Variants in IQSEC3 observed in about 807,000 individuals in gnomAD.
IQSEC3 encodes IQ motif and SEC7 domain-containing protein 3.
In IQSEC3, 50 loss-of-function variants were observed where a neutral mutation model predicts 105.4. The observed-to-expected ratio is 0.47, with a 90% CI of 0.38 to 0.60. IQSEC3 has a LOEUF of 0.60. Among genes scored for constraint, IQSEC3 ranks in the 20% least tolerant of loss-of-function variants. The pLI, the probability that IQSEC3 is intolerant of heterozygous loss-of-function variation, is 0.00. For missense variants in IQSEC3, 1,415 were observed against 1,630.0 expected (o/e 0.87, Z 2.27); for synonymous variants, 708 against 746.0 (o/e 0.95, Z 0.83).
chr12:73,416 CAGT>C (rs1863403283), intron 1 of IQSEC3, among the ~76,000 whole-genome samples: 1 of 152,258 alleles, frequency 6.6e-6, no homozygotes, highest in South Asian at 2.1e-4. Flanking sequence ...CAATACATTG[CAGT>C]ATTTCTACAG....
In IQSEC3 at chr12:139,227, C is replaced by T. The variant is rs1555088299; in HGVS notation, c.1864C>T (p.Leu622=). Residue 622 remains leucine (L), a synonymous_variant, in exon 4 of 14, where the codon CTG becomes TTG. Coordinates refer to ENST00000538872, the MANE Select transcript of IQSEC3 (RefSeq NM_001170738.2). ...EASASASKDA[L]QAMILSLPRY... is the part of the protein sequence containing the mutation. ...GTCGGCCTCCGCCTCCAAGGACGCC[C>T]TGCAGGCCATGATCCTGAGCCTGCC... The T allele has an allele frequency of 1.9e-6, 3 of 1,605,898 alleles. No homozygotes were observed. The highest frequency in any genetic ancestry group is 8.5e-7 in the Non-Finnish European group (1 of 1,177,408).
chr12:70,205 T>G (rs1425251688), intron 1 of IQSEC3, among the ~76,000 whole-genome samples: 1 of 152,250 alleles, frequency 6.6e-6, no homozygotes, highest in Non-Finnish European at 1.5e-5. Context: ...CTCACACAGT[T>G]TGACTTTTAT....
chr12:138,159 C>A lies in IQSEC3; in HGVS notation c.904-108C>A. Reference sequence around the variant, plus strand: ...CCAGGAGCGCCCCCCCGCCCCCGTCCATTCCTGGGCCCCACCCGAGTGTGG... The same window carrying A: ...CCAGGAGCGCCCCCCCGCCCCCGTCAATTCCTGGGCCCCACCCGAGTGTGG... On this transcript the variant is annotated intron_variant, in intron 3 of 13. Coordinates refer to ENST00000538872, the MANE Select transcript of IQSEC3 (RefSeq NM_001170738.2). The surrounding 1 kb of genome is among the most constrained non-coding windows in gnomAD (Gnocchi z 7.1). 2 of 1,040,388 alleles carry A rather than the reference C, an allele frequency of 1.9e-6. No individual in the cohort carries two copies. Among genetic ancestry groups the A allele is most frequent in the Non-Finnish European group, 2.8e-6 (2 of 713,472 alleles). 64.4% of individuals were successfully genotyped at this position (1,040,388 alleles called of 1,614,324 possible). A position where few individuals can be genotyped will look rare whatever the true frequency, so the allele number is the denominator to read the frequency against.
At chr12:105,770 C>G (rs1364276363) in intron 2 of IQSEC3, among the ~76,000 whole-genome samples, 2 of 152,220 alleles carry the variant, frequency 1.3e-5, no homozygotes, top group Non-Finnish European at 2.9e-5. Flanking sequence ...CCAGAGGGCT[C>G]TCCTCAGCAG....
intron 2 of IQSEC3, among the ~76,000 whole-genome samples, chr12:103,501 AGGTGGGGGCTCAGGAGGGGAGGTG>A (rs1555076826): frequency 0.014 from 13 of 950 alleles, no homozygotes; most frequent in Non-Finnish European, 0.019. Flanking sequence ...CTCGGGGGGT[AGGTGGGGGCTCAGGAGGGGAGGTG>A]GGACTCAGGA....
chr12:149,065 A>T (rs1360329866), intron 5 of IQSEC3: 1 of 152,246 alleles, frequency 6.6e-6, no homozygotes, highest in Non-Finnish European at 1.5e-5. Flanking sequence ...AAGCAATTTT[A>T]TGCAAGATTG....
chr12:171,609 T>G, intron 13 of IQSEC3: 1 of 537,288 alleles, frequency 1.9e-6, no homozygotes, highest in South Asian at 2.4e-5. Flanking sequence ...GAATTACCCC[T>G]TAGGCCCCAA....
At chr12:74,034 C>T (rs1315772932) in intron 1 of IQSEC3, among the ~76,000 whole-genome samples, 1 of 152,224 alleles carries the variant, frequency 6.6e-6, no homozygotes, top group Non-Finnish European at 1.5e-5. Context: ...TCACCCGATG[C>T]CCCATGGTGA....
In IQSEC3 at chr12:168,702, C is replaced by T. The variant is rs115919253; in HGVS notation, c.2972-311C>T. Among the ~76,000 whole-genome samples, 880 of 152,240 alleles carry T rather than the reference C, an allele frequency of 5.8e-3. 15 individuals carry two copies. The highest frequency in any genetic ancestry group is 0.024 in the Middle Eastern group (7 of 294). Reference sequence around the variant, plus strand: ...AGGTTGGGTAACTTGCCTAAAACCACACAGCCAGGGAGTGTCAGGACCAGG... The same window carrying T: ...AGGTTGGGTAACTTGCCTAAAACCATACAGCCAGGGAGTGTCAGGACCAGG... On this transcript the variant is annotated intron_variant, in intron 11 of 13. Coordinates refer to ENST00000538872, the MANE Select transcript of IQSEC3 (RefSeq NM_001170738.2).
intron 1 of IQSEC3, among the ~76,000 whole-genome samples, chr12:76,416 G>A (rs1424061228): frequency 1.3e-5 from 2 of 152,244 alleles, no homozygotes; most frequent in Non-Finnish European, 1.5e-5. Flanking sequence ...GACTTGGGCT[G>A]GGGGAGTTGG....
intron 2 of IQSEC3, among the ~76,000 whole-genome samples, chr12:120,489 C>T (rs12308985): frequency 0.26 from 39,950 of 151,858 alleles, 5,902 homozygotes; most frequent in Non-Finnish European, 0.34. Context: ...GTTGGCCTTG[C>T]GGAAATCAGC....
At chr12:88,678 C>T (rs1358030753) in intron 1 of IQSEC3, among the ~76,000 whole-genome samples, 1 of 152,148 alleles carries the variant, frequency 6.6e-6, no homozygotes, top group Non-Finnish European at 1.5e-5. Flanking sequence ...GCTGTAACTG[C>T]TTGCCTTATT....
At chr12:81,619 A>G (rs1863748227) in intron 1 of IQSEC3, among the ~76,000 whole-genome samples, 1 of 152,052 alleles carries the variant, frequency 6.6e-6, no homozygotes, top group Non-Finnish European at 1.5e-5. Flanking sequence ...GGGGATGAGG[A>G]GGTTTGAGCA....
intron 5 of IQSEC3, chr12:144,522 A>G (rs1456306087): frequency 1.3e-5 from 2 of 152,232 alleles, no homozygotes; most frequent in Non-Finnish European, 2.9e-5. Context: ...GGAAGAGCCG[A>G]TGAGAAAGCC....
rs185446418 is a variant in IQSEC3, at chr12:165,638, T to C, written c.2810-91T>C. ...CTGGACAGCAGAGTGGGTGGAGGCATGAGACCCCGTGCCCTCCTCATGTCT... is the reference window on the plus strand; with the variant it reads ...CTGGACAGCAGAGTGGGTGGAGGCACGAGACCCCGTGCCCTCCTCATGTCT... On this transcript the variant is annotated intron_variant, in intron 10 of 13. Transcript: ENST00000538872. 107 of 1,575,086 alleles carry C rather than the reference T, an allele frequency of 6.8e-5. 1 individual carries two copies. Among genetic ancestry groups the C allele is most frequent in the Middle Eastern group, 5.1e-4 (3 of 5,850 alleles).
chr12:165,346 G>C (rs1867115033), intron 9 of IQSEC3, 88 bp from the exon 10 acceptor site: 3 of 951,498 alleles, frequency 3.2e-6, no homozygotes, highest in Non-Finnish European at 5.1e-6. Context: ...GTGGGTTTGT[G>C]TGATCGTGCA....
intron 3 of IQSEC3, among the ~76,000 whole-genome samples, chr12:136,357 C>T (rs1366637454): frequency 6.6e-6 from 1 of 152,146 alleles, no homozygotes; most frequent in Non-Finnish European, 1.5e-5. Flanking sequence ...GGGGTTGAAT[C>T]CACAAGGTGT....
chr12:79,188 G>T (rs566469334), intron 1 of IQSEC3, among the ~76,000 whole-genome samples: 1 of 151,572 alleles, frequency 6.6e-6, no homozygotes, highest in African/African-American at 2.4e-5. Context: ...CAGCGCAGGG[G>T]CTGTGGCCAG....
Position 89,331 on chromosome 12 carries a change from G to A in IQSEC3, c.555-9815G>A, listed in dbSNP as rs76041244. 4.2e-3 allele frequency among the ~76,000 whole-genome samples: 637 copies of A among 152,210 alleles called. 5 individuals are homozygous for A. The highest frequency in any genetic ancestry group is 0.027 in the East Asian group (139 of 5,174). On this transcript the variant is annotated intron_variant, in intron 1 of 13. Transcript: ENST00000538872. ...CTGCTTGGAAGGGGGTTAATCATTA[G>A]GTGATCTGGGGGCAATGGGTGGAGG...
Sources: gnomAD v4.1 joint callset for allele counts (sites outside exome capture counted in the v4.1 genomes callset) on GRCh38, gnomAD v4.1.1 for gene constraint, Gnocchi (gnomAD v3.1) non-coding constraint, MANE v1.5 for transcripts, NCBI Gene and HGNC (gene_info 2026-07-23, HGNC 2026-07-21) for gene names.